The following CEP83 variants were observed in gnomAD, a reference collection of about 807,000 sequenced individuals.
CEP83 encodes the protein centrosomal protein 83, also known as centrosomal protein of 83 kDa.
CEP83 carries 70 observed loss-of-function variants against 101.9 expected under a neutral mutation model. That is an observed-to-expected ratio of 0.69 (90% CI 0.57 to 0.84). CEP83 has a LOEUF of 0.84. CEP83 is among the 40% of genes least tolerant of loss of function. The pLI is 0.00. For synonymous variants in CEP83, 264 were observed against 267.9 expected (o/e 0.99, Z 0.14); for missense variants, 715 against 787.2 (o/e 0.91, Z 1.10).
intron 13 of CEP83, 30 bp downstream of exon 13, chr12:94,333,452 A>C: frequency 6.3e-7 from 1 of 1,581,672 alleles, no homozygotes; most frequent in South Asian, 1.2e-5. Flanking sequence ...AAAAAGAAAA[A>C]ATAGTTTGTA....
At chr12:94,344,309 G>A (rs2059833034) in intron 11 of CEP83, among the ~76,000 whole-genome samples, 1 of 152,162 alleles carries the variant, frequency 6.6e-6, no homozygotes, top group Non-Finnish European at 1.5e-5. Context: ...GTAAAGCAGT[G>A]ATGAGAAGAA....
chr12:94,285,734 G>C, the CEP83 span, among the ~76,000 whole-genome samples: 1 of 152,146 alleles, frequency 6.6e-6, no homozygotes, highest in Admixed American at 6.5e-5. Flanking sequence ...GCTTATCATG[G>C]CATCAGTTCA....
chr12:94,459,155 T>C (rs1295150038), intron 1 of CEP83, among the ~76,000 whole-genome samples: 1 of 152,238 alleles, frequency 6.6e-6, no homozygotes, highest in Non-Finnish European at 1.5e-5. Context: ...CCATTGATTA[T>C]GGTCAAAAGT....
intron 14 of CEP83, among the ~76,000 whole-genome samples, chr12:94,325,263 C>T (rs2058926037): frequency 6.6e-6 from 1 of 152,002 alleles, no homozygotes; most frequent in South Asian, 2.1e-4. Context: ...CCTCTGCCTC[C>T]AGGGTTCAAG....
chr12:94,428,151 T>C (rs1007002876), intron 2 of CEP83, among the ~76,000 whole-genome samples: 1 of 152,234 alleles, frequency 6.6e-6, no homozygotes, highest in African/African-American at 2.4e-5. Context: ...CAAAAGAATC[T>C]AGAAAGTAGG....
chr12:94,367,114 G>T (rs1483138336), intron 11 of CEP83, among the ~76,000 whole-genome samples: 1 of 152,032 alleles, frequency 6.6e-6, no homozygotes, highest in East Asian at 1.9e-4. Context: ...AAATGCTAGA[G>T]TTATAACTGT....
downstream of CEP83, among the ~76,000 whole-genome samples, chr12:94,302,393 T>C (rs192520398): frequency 2.0e-5 from 3 of 148,600 alleles, no homozygotes; most frequent in Admixed American, 2.0e-4. Flanking sequence ...TCGACAAATA[T>C]GATTTCCTAA....
chr12:94,310,217 T>C (rs954425515), intron 15 of CEP83, 110 bp from the exon 16 acceptor site: 2 of 392,266 alleles, frequency 5.1e-6, no homozygotes, highest in Non-Finnish European at 4.4e-6. Flanking sequence ...GAGATCTATA[T>C]ATAATATATA....
intron 2 of CEP83, among the ~76,000 whole-genome samples, chr12:94,427,544 A>ACT (rs2065297488): frequency 6.6e-6 from 1 of 152,184 alleles, no homozygotes; most frequent in African/African-American, 2.4e-5. Flanking sequence ...TTGCATAGGC[A>ACT]CTGTATTTTT....
intron 6 of CEP83, among the ~76,000 whole-genome samples, chr12:94,388,508 T>A (rs2062300486): frequency 6.6e-6 from 1 of 152,142 alleles, no homozygotes; most frequent in South Asian, 2.1e-4. Context: ...GGTGACGGAA[T>A]CTTTATTACC....
intron 4 of CEP83, among the ~76,000 whole-genome samples, chr12:94,406,910 CAG>C (rs1021915538): frequency 1.3e-5 from 2 of 148,150 alleles, no homozygotes; most frequent in Non-Finnish European, 3.0e-5. Flanking sequence ...CTGGGCGACA[CAG>C]AGAGACTCTG....
At chr12:94,456,159 C>T (rs547430846) in intron 1 of CEP83, among the ~76,000 whole-genome samples, 1 of 152,252 alleles carries the variant, frequency 6.6e-6, no homozygotes, top group Non-Finnish European at 1.5e-5. Context: ...AACTGATATT[C>T]TACTAGGAAC....
the CEP83 span, among the ~76,000 whole-genome samples, chr12:94,294,903 AGAGCCCC>A: frequency 3.9e-4 from 59 of 152,322 alleles, no homozygotes; most frequent in African/African-American, 1.3e-3. Flanking sequence ...CAATCATCAC[AGAGCCCC>A]GAAGCAAGCG....
At chr12:94,372,207 C>T (rs1286073528) in intron 8 of CEP83, among the ~76,000 whole-genome samples, 1 of 151,972 alleles carries the variant, frequency 6.6e-6, no homozygotes, top group African/African-American at 2.4e-5. Context: ...CTCCTGACCT[C>T]GTGATCCATC....
the CEP83 span, among the ~76,000 whole-genome samples, chr12:94,298,367 T>G: frequency 6.6e-6 from 1 of 152,204 alleles, no homozygotes; most frequent in African/African-American, 2.4e-5. Flanking sequence ...CTGCTAGAGA[T>G]TTCTGATATC....
intron 11 of CEP83, among the ~76,000 whole-genome samples, chr12:94,364,040 G>A (rs954021526): frequency 3.3e-5 from 5 of 151,842 alleles, no homozygotes; most frequent in Non-Finnish European, 7.4e-5. Context: ...ACTTACAAAG[G>A]TATGTAGAGC....
chr12:94,313,040 G>T, intron 14 of CEP83, 23 bp from the exon 15 acceptor site: 1 of 1,030,870 alleles, frequency 9.7e-7, no homozygotes, highest in Non-Finnish European at 1.5e-6. Context: ...ATATGAACAA[G>T]TATGTTAATA....
intron 6 of CEP83, among the ~76,000 whole-genome samples, chr12:94,395,064 A>G (rs999318239): frequency 2.6e-5 from 4 of 152,186 alleles, no homozygotes; most frequent in African/African-American, 9.7e-5. Context: ...ACAGTGTGGC[A>G]ATCCCTCAAG....
chr12:94,414,782 G>C (rs1359677358), intron 2 of CEP83, among the ~76,000 whole-genome samples: 1 of 152,130 alleles, frequency 6.6e-6, no homozygotes, highest in Non-Finnish European at 1.5e-5. Context: ...AATATGTTTG[G>C]TTCCACATTA....
Sources: allele counts gnomAD v4.1 joint callset (sites outside exome capture counted in the v4.1 genomes callset), GRCh38; gene constraint gnomAD v4.1.1; transcripts MANE v1.5; gene names NCBI Gene and HGNC (gene_info 2026-07-23, HGNC 2026-07-21).